AEBP2: variants seen among roughly 807,000 people sequenced by gnomAD.
AEBP2 encodes zinc finger protein AEBP2.
Under a neutral mutation model 50.8 loss-of-function variants are expected in AEBP2, and 10 were observed. The ratio of observed to expected loss-of-function variants is 0.20; its 90% CI spans 0.12 to 0.33. The LOEUF is 0.33. Ranked by LOEUF, AEBP2 falls within the 10% of genes least tolerant of loss-of-function variation. AEBP2 has a pLI of 1.00. For missense variants in AEBP2, 570 were observed against 688.0 expected (o/e 0.83, Z 1.92); for synonymous variants, 296 against 261.3 (o/e 1.13, Z -1.28).
At chr12:19,488,788 C>T (rs968897275) in intron 3 of AEBP2, among the ~76,000 whole-genome samples, 1 of 152,018 alleles carries the variant, frequency 6.6e-6, no homozygotes, top group Non-Finnish European at 1.5e-5. Context: ...GCTACTTGGC[C>T]ACCAGCATAT....
chr12:19,439,413 C>T (rs1192008395), upstream of AEBP2, among the ~76,000 whole-genome samples: 1 of 42,622 alleles, frequency 2.3e-5, no homozygotes, highest in African/African-American at 7.7e-5. Context: ...GGCAGCGGGG[C>T]GGGCGCCGGG....
At chr12:19,452,961 CTT>C (rs34876719) in intron 1 of AEBP2, among the ~76,000 whole-genome samples, 7 of 106,938 alleles carry the variant, frequency 6.5e-5, no homozygotes, top group African/African-American at 1.4e-4. Context: ...GACTTACGTT[CTT>C]TTTTTTTTTT....
upstream of AEBP2, among the ~76,000 whole-genome samples, chr12:19,437,905 G>A (rs1947877150): frequency 6.6e-6 from 1 of 152,168 alleles, no homozygotes; most frequent in African/African-American, 2.4e-5. Context: ...AATGGGAAAT[G>A]AGCATGGAGG....
intron 2 of AEBP2, among the ~76,000 whole-genome samples, chr12:19,464,951 T>C (rs1679208437): frequency 6.6e-6 from 1 of 152,174 alleles, no homozygotes; most frequent in South Asian, 2.1e-4. Context: ...TACCTGTACC[T>C]TATTGATATT....
At chr12:19,468,436 T>G (rs1948520125) in intron 2 of AEBP2, among the ~76,000 whole-genome samples, 1 of 152,234 alleles carries the variant, frequency 6.6e-6, no homozygotes, top group Admixed American at 6.5e-5. Flanking sequence ...AGAATATATT[T>G]GGCTGATTTT....
At chr12:19,517,824 T>A (rs1044784231) in intron 7 of AEBP2, among the ~76,000 whole-genome samples, 1 of 152,250 alleles carries the variant, frequency 6.6e-6, no homozygotes, top group Non-Finnish European at 1.5e-5. Flanking sequence ...AGTTTTAAAG[T>A]ATTAGTTGGC....
chr12:19,476,312 C>G (rs1948649217), intron 3 of AEBP2, among the ~76,000 whole-genome samples: 1 of 152,044 alleles, frequency 6.6e-6, no homozygotes, highest in Non-Finnish European at 1.5e-5. Context: ...GCATTTGTTG[C>G]AAAGGGTGTC....
Position 19,521,891 on chromosome 12 carries a change from T to C in AEBP2, c.*3774T>C, listed in dbSNP as rs530595040. ...AAATACTTGATAGAGGGTTTTCTCTTTAATCACAACTTAAAAAAAGAAACC... is the reference window on the plus strand; with the variant it reads ...AAATACTTGATAGAGGGTTTTCTCTCTAATCACAACTTAAAAAAAGAAACC... On this transcript the variant is annotated 3_prime_UTR_variant, in exon 8 of 8. Coordinates refer to ENST00000266508, the MANE Select transcript of AEBP2 (RefSeq NM_153207.5). The C allele has an allele frequency of 6.6e-6, 1 of 152,228 alleles. No homozygotes were observed. The highest frequency in any genetic ancestry group is 2.1e-4 in the South Asian group (1 of 4,830). 9.4% of individuals were successfully genotyped at this position (152,228 alleles called of 1,614,324 possible).
At chr12:19,440,556 T>G in intron 1 of AEBP2, 186 bp downstream of exon 1, 1 of 1,387,470 alleles carries the variant, frequency 7.2e-7, no homozygotes. Context: ...CATCGCGGCT[T>G]CCAACTCTCA....
intron 5 of AEBP2, among the ~76,000 whole-genome samples, chr12:19,506,924 C>T (rs1949162432): frequency 6.6e-6 from 1 of 152,012 alleles, no homozygotes; most frequent in African/African-American, 2.4e-5. Flanking sequence ...GTGGCAGAGC[C>T]GTGGAGGCTC....
intron 1 of AEBP2, among the ~76,000 whole-genome samples, chr12:19,427,392 A>T (rs545523393): frequency 6.6e-6 from 1 of 151,808 alleles, no homozygotes; most frequent in Non-Finnish European, 1.5e-5. Flanking sequence ...AAAAAAAAAA[A>T]AAAAAAACGC....
At chr12:19,488,347 C>T (rs1363618022) in intron 3 of AEBP2, among the ~76,000 whole-genome samples, 2 of 145,042 alleles carry the variant, frequency 1.4e-5, no homozygotes, top group African/African-American at 5.2e-5. Context: ...AGGCTGGTCT[C>T]GAGCTCCTGG....
At chr12:19,469,177 C>T (rs1036663615) in intron 2 of AEBP2, among the ~76,000 whole-genome samples, 11 of 152,140 alleles carry the variant, frequency 7.2e-5, no homozygotes, top group Admixed American at 1.3e-4. Context: ...CCACTCACCT[C>T]GGCCTCTCAG....
At chr12:19,466,728 TTTC>T (rs1948483174) in intron 2 of AEBP2, 4 of 906,984 alleles carry the variant, frequency 4.4e-6, no homozygotes, top group Non-Finnish European at 5.3e-6. Context: ...AGATTTCTTA[TTTC>T]TTCTTTCTCT....
At chr12:19,453,816 CAG>C (rs1392932572) in intron 1 of AEBP2, among the ~76,000 whole-genome samples, 3 of 151,922 alleles carry the variant, frequency 2.0e-5, no homozygotes, top group Non-Finnish European at 4.4e-5. Context: ...TTTTTTGAGA[CAG>C]AGTATTGCTC....
intron 1 of AEBP2, among the ~76,000 whole-genome samples, chr12:19,442,963 A>G (rs1002143021): frequency 6.6e-6 from 1 of 152,220 alleles, no homozygotes; most frequent in Admixed American, 6.5e-5. Flanking sequence ...AAAGTGCTCT[A>G]TAACATTTTT....
At chr12:19,483,316 C>T (rs913184485) in intron 3 of AEBP2, among the ~76,000 whole-genome samples, 4 of 152,128 alleles carry the variant, frequency 2.6e-5, no homozygotes, top group Admixed American at 1.3e-4. Flanking sequence ...TGTTTCAGCC[C>T]TAGGTAAGGT....
In AEBP2 at chr12:19,493,235, C is replaced by G. The variant is rs574513925; in HGVS notation, c.988-565C>G. On this transcript the variant is annotated intron_variant, in intron 3 of 7. Transcript: ENST00000266508. The stretch of plus-strand genomic sequence containing the variant: ...TGGCCAATGTGGTGAAACCATAGCT[C>G]TACTAAAAATACAAAATTAGCCAGG... 5.9e-5 allele frequency among the ~76,000 whole-genome samples: 9 copies of G among 152,216 alleles called. No homozygotes were observed. In the South Asian group the frequency reaches 6.2e-4, roughly 11 times the overall value.
chr12:19,449,171 C>G (rs1026459249), intron 1 of AEBP2, among the ~76,000 whole-genome samples: 2 of 152,002 alleles, frequency 1.3e-5, no homozygotes, highest in Non-Finnish European at 2.9e-5. Flanking sequence ...CTCAAAATTT[C>G]CTTAGGAAAG....
Sources: gnomAD v4.1 joint callset for allele counts (sites outside exome capture counted in the v4.1 genomes callset) on GRCh38, gnomAD v4.1.1 for gene constraint, MANE v1.5 for transcripts, NCBI Gene and HGNC (gene_info 2026-07-23, HGNC 2026-07-21) for gene names.